RAB6A: variants seen among roughly 807,000 people sequenced by gnomAD.
RAB6A encodes the protein ras-related protein Rab-6A.
In RAB6A, 8 loss-of-function variants were observed where a neutral mutation model predicts 32.3. The ratio of observed to expected loss-of-function variants is 0.25; its 90% CI spans 0.15 to 0.45. The LOEUF (loss-of-function observed/expected upper bound fraction) is 0.45, where lower values mean the gene tolerates loss of function less well. Ranked by LOEUF, RAB6A falls within the 20% of genes least tolerant of loss-of-function variation. The pLI is 1.00. For synonymous variants in RAB6A, 73 were observed against 82.1 expected (o/e 0.89, Z 0.60); for missense variants, 104 against 249.4 (o/e 0.42, Z 3.93).
chr11:73,728,750 T>G (rs1273793193), intron 2 of RAB6A, among the ~76,000 whole-genome samples: 1 of 151,828 alleles, frequency 6.6e-6, no homozygotes, highest in African/African-American at 2.4e-5. Flanking sequence ...TAGGGGATAT[T>G]GGTCTGTAGT....
rs1407690061 is a variant in RAB6A, at chr11:73,677,478, T to A, written c.*420A>T. The A allele has an allele frequency of 1.0e-5, 3 of 297,698 alleles. No individual in the cohort carries two copies. Among genetic ancestry groups the A allele is most frequent in the African/African-American group, 6.7e-5 (3 of 45,030 alleles). 18.4% of individuals were successfully genotyped at this position (297,698 alleles called of 1,614,324 possible). On this transcript the variant is annotated 3_prime_UTR_variant, in exon 8 of 8. Transcript: ENST00000336083. ...CGGGGGAGGCTAGGTAAGAATAGGGTAATAGGGAATGGGGGTAAGTGAGAG... is the reference window on the plus strand; with the variant it reads ...CGGGGGAGGCTAGGTAAGAATAGGGAAATAGGGAATGGGGGTAAGTGAGAG...
At chr11:73,757,316 T>G (rs1400698403) in intron 1 of RAB6A, among the ~76,000 whole-genome samples, 3 of 149,320 alleles carry the variant, frequency 2.0e-5, no homozygotes, top group Non-Finnish European at 4.4e-5. Flanking sequence ...CCTGGATAAT[T>G]TTTGTATTTT....
chr11:73,737,217 G>T (rs549691607), intron 1 of RAB6A, among the ~76,000 whole-genome samples: 10 of 152,230 alleles, frequency 6.6e-5, no homozygotes, highest in African/African-American at 2.2e-4. Context: ...GGCTTGGTGT[G>T]TTGGCTCGTG....
chr11:73,739,263 T>TAAAAAAAAAAAAAA (rs58629008), intron 1 of RAB6A, among the ~76,000 whole-genome samples: 2 of 9,384 alleles, frequency 2.1e-4, no homozygotes, highest in Non-Finnish European at 3.7e-4. Flanking sequence ...TAATAATAAT[T>TAAAAAAAAAAAAAA]AAAAAAAAAA....
At chr11:73,705,794 G>GAGAA (rs2134916666) in intron 6 of RAB6A, among the ~76,000 whole-genome samples, 1 of 151,742 alleles carries the variant, frequency 6.6e-6, no homozygotes, top group South Asian at 2.1e-4. Context: ...GAGAGAGAGA[G>GAGAA]AGAGAGAGAT....
At position 73,760,922 on chromosome 11, in the gene RAB6A, A is replaced by G. The variant is rs1403508977; in HGVS notation, c.-287T>C. 5.3e-6 allele frequency: 2 copies of G among 374,002 alleles called. No individual in the cohort carries two copies. The highest frequency in any genetic ancestry group is 4.2e-5 in the East Asian group (1 of 23,604). The allele number at this position is 374,002 out of a possible 1,614,324, so 23.2% of individuals were successfully genotyped here. A position where few individuals can be genotyped will look rare whatever the true frequency, so the allele number is the denominator to read the frequency against. The stretch of plus-strand genomic sequence containing the variant: ...GGGTGTCCTCTGGCTTCCCAAAGCT[A>G]GGGCCGTTCCCTCCTTCCGCACTCG... On this transcript the variant is annotated 5_prime_UTR_variant, in exon 1 of 8. Transcript: ENST00000336083.
intron 6 of RAB6A, among the ~76,000 whole-genome samples, chr11:73,686,343 G>A (rs1275173768): frequency 2.0e-5 from 3 of 152,134 alleles, no homozygotes; most frequent in Non-Finnish European, 4.4e-5. Flanking sequence ...ATCATTTGAG[G>A]TCAGGAGTTC....
At chr11:73,688,864 C>A (rs1195397461) in intron 6 of RAB6A, among the ~76,000 whole-genome samples, 1 of 152,182 alleles carries the variant, frequency 6.6e-6, no homozygotes, top group African/African-American at 2.4e-5. Context: ...CAGGCAGTGG[C>A]TCACTCTTGT....
At chr11:73,740,326 TGGTAA>T (rs1946475670) in intron 1 of RAB6A, among the ~76,000 whole-genome samples, 1 of 152,272 alleles carries the variant, frequency 6.6e-6, no homozygotes, top group African/African-American at 2.4e-5. Context: ...TGTTCCATCC[TGGTAA>T]CAAAGACAGT....
chr11:73,757,081 TA>T (rs1946761673), intron 1 of RAB6A, among the ~76,000 whole-genome samples: 1 of 133,038 alleles, frequency 7.5e-6, no homozygotes, highest in Non-Finnish European at 1.6e-5. Context: ...TAGAGCGTAG[TA>T]TCTTAAATAT....
chr11:73,727,638 G>T (rs185057313), intron 2 of RAB6A, among the ~76,000 whole-genome samples: 15 of 152,102 alleles, frequency 9.9e-5, no homozygotes, highest in African/African-American at 2.4e-4. Context: ...TCCTAAAAAA[G>T]AAATGCCCAT....
chr11:73,746,584 CACAG>C (rs1260972921), intron 1 of RAB6A, among the ~76,000 whole-genome samples: 1 of 151,918 alleles, frequency 6.6e-6, no homozygotes, highest in African/African-American at 2.4e-5. Context: ...AGCCTGGAAA[CACAG>C]CAAGACCTCA....
intron 6 of RAB6A, 84 bp from the exon 7 acceptor site, chr11:73,679,804 G>A: frequency 1.3e-6 from 2 of 1,555,748 alleles, no homozygotes; most frequent in Non-Finnish European, 1.8e-6. Flanking sequence ...ACAGTGAGCT[G>A]TCTAATGCTG....
At chr11:73,726,100 T>C (rs976201564) in intron 2 of RAB6A, among the ~76,000 whole-genome samples, 3 of 150,252 alleles carry the variant, frequency 2.0e-5, no homozygotes, top group African/African-American at 7.4e-5. Flanking sequence ...GCCTGGCCAA[T>C]ATGGTGAAAC....
chr11:73,742,005 G>A (rs939791525), intron 1 of RAB6A, among the ~76,000 whole-genome samples: 1 of 152,138 alleles, frequency 6.6e-6, no homozygotes, highest in African/African-American at 2.4e-5. Context: ...AAATAGGCTG[G>A]GCATGGTGGC....
chr11:73,682,282 G>C (rs368066876), intron 6 of RAB6A, among the ~76,000 whole-genome samples: 2 of 152,238 alleles, frequency 1.3e-5, no homozygotes, highest in East Asian at 3.9e-4. Context: ...AACACAGAGA[G>C]ACCTTGTTTT....
intron 6 of RAB6A, among the ~76,000 whole-genome samples, chr11:73,704,838 T>C (rs755176824): frequency 4.0e-5 from 6 of 148,412 alleles, no homozygotes; most frequent in Non-Finnish European, 7.5e-5. Flanking sequence ...CTACTAAAAA[T>C]ACAAAAAATT....
chr11:73,694,046 G>A (rs1490933034), intron 6 of RAB6A, among the ~76,000 whole-genome samples: 1 of 152,124 alleles, frequency 6.6e-6, no homozygotes, highest in East Asian at 1.9e-4. Flanking sequence ...AGAATTACCT[G>A]GGAAGCTTAA....
intron 6 of RAB6A, among the ~76,000 whole-genome samples, chr11:73,703,795 C>T (rs1028247187): frequency 1.3e-5 from 2 of 149,266 alleles, no homozygotes; most frequent in Non-Finnish European, 3.0e-5. Flanking sequence ...AAGGGCTGGG[C>T]GCCGTGGCTC....
Sources: allele counts gnomAD v4.1 joint callset (sites outside exome capture counted in the v4.1 genomes callset), GRCh38; gene constraint gnomAD v4.1.1; transcripts MANE v1.5; gene names NCBI Gene and HGNC (gene_info 2026-07-23, HGNC 2026-07-21).